The following SOX5 variants were observed in gnomAD, a reference collection of about 807,000 sequenced individuals.
SOX5 encodes the protein SRY-box transcription factor 5, also known as transcription factor SOX-5.
SOX5 carries 9 observed loss-of-function variants against 92.0 expected under a neutral mutation model. The ratio of observed to expected loss-of-function variants is 0.10; its 90% confidence interval spans 0.06 to 0.17. The LOEUF is 0.17. Among genes scored for constraint, SOX5 ranks in the 10% least tolerant of loss-of-function variants. SOX5 has a pLI of 1.00. For synonymous variants in SOX5, 344 were observed against 336.3 expected (o/e 1.02, Z -0.25); for missense variants, 642 against 944.5 (o/e 0.68, Z 4.20).
At chr12:24,019,967 G>A (rs778056289) in intron 4 of SOX5, among the ~76,000 whole-genome samples, 95 of 152,182 alleles carry the variant, frequency 6.2e-4, no homozygotes, top group Non-Finnish European at 3.4e-4. Context: ...CACACTGTGT[G>A]CCAAAGCAAG....
chr12:24,514,759 G>A (rs1949629561), intron 1 of SOX5, among the ~76,000 whole-genome samples: 1 of 152,180 alleles, frequency 6.6e-6, no homozygotes, highest in African/African-American at 2.4e-5. Flanking sequence ...GCAGGGACAT[G>A]GATGGAACTG....
intron 4 of SOX5, among the ~76,000 whole-genome samples, chr12:24,078,126 T>C (rs1433148691): frequency 1.3e-5 from 2 of 152,076 alleles, no homozygotes; most frequent in Non-Finnish European, 2.9e-5. Context: ...AATTGTATTT[T>C]ACTGTCCTAC....
chr12:24,075,824 G>A (rs952550802), intron 4 of SOX5, among the ~76,000 whole-genome samples: 1 of 152,114 alleles, frequency 6.6e-6, no homozygotes, highest in Non-Finnish European at 1.5e-5. Context: ...GGAGGCCAAA[G>A]TAAAATCACA....
intron 4 of SOX5, among the ~76,000 whole-genome samples, chr12:24,084,081 C>G (rs962210049): frequency 6.6e-6 from 1 of 151,998 alleles, no homozygotes; most frequent in African/African-American, 2.4e-5. Context: ...GATTTGGAAA[C>G]CACAGATATG....
intron 10 of SOX5, among the ~76,000 whole-genome samples, chr12:23,575,079 T>C (rs904204665): frequency 6.6e-6 from 1 of 152,232 alleles, no homozygotes; most frequent in African/African-American, 2.4e-5. Context: ...TATGCTGAAA[T>C]TAAAATCATT....
At chr12:23,810,492 G>A (rs2095857982) in intron 3 of SOX5, among the ~76,000 whole-genome samples, 1 of 152,120 alleles carries the variant, frequency 6.6e-6, no homozygotes, top group South Asian at 2.1e-4. Flanking sequence ...TGTTTTAACA[G>A]CTGAGCTGAC....
chr12:24,477,285 C>CACCACACT (rs938706297), intron 1 of SOX5, among the ~76,000 whole-genome samples: 1 of 152,004 alleles, frequency 6.6e-6, no homozygotes, highest in Non-Finnish European at 1.5e-5. Flanking sequence ...AGACATGTGC[C>CACCACACT]ACCACACTAG....
intron 9 of SOX5, among the ~76,000 whole-genome samples, chr12:23,598,266 G>T (rs964263177): frequency 4.6e-5 from 7 of 151,918 alleles, no homozygotes; most frequent in Non-Finnish European, 1.0e-4. Context: ...ATTAAATGAG[G>T]TTATGGTTAT....
intron 8 of SOX5, among the ~76,000 whole-genome samples, chr12:23,615,098 G>A (rs375774091): frequency 1.1e-4 from 17 of 152,030 alleles, no homozygotes; most frequent in African/African-American, 4.8e-5. Context: ...CACCGTACCC[G>A]GCCTTATATT....
intron 4 of SOX5, among the ~76,000 whole-genome samples, chr12:23,998,281 A>C (rs1276668585): frequency 6.6e-6 from 1 of 152,198 alleles, no homozygotes; most frequent in Non-Finnish European, 1.5e-5. Context: ...AAGTTGAAAA[A>C]ATACAGTAAC....
chr12:24,251,572 G>GTTTTTT (rs68085452), intron 3 of SOX5, among the ~76,000 whole-genome samples: 1 of 141,490 alleles, frequency 7.1e-6, no homozygotes, highest in Non-Finnish European at 1.5e-5. Context: ...AGGGTTTTTT[G>GTTTTTT]TTTTTTTTTT....
intron 4 of SOX5, among the ~76,000 whole-genome samples, chr12:23,751,264 T>C (rs965880857): frequency 6.6e-6 from 1 of 151,930 alleles, no homozygotes; most frequent in Admixed American, 6.6e-5. Context: ...TGTGCAGATA[T>C]GCATGTTTTA....
At chr12:24,357,864 A>G (rs1955061792) in intron 2 of SOX5, among the ~76,000 whole-genome samples, 1 of 151,786 alleles carries the variant, frequency 6.6e-6, no homozygotes, top group East Asian at 1.9e-4. Context: ...AGAAAGAAGA[A>G]AAAAGAAAGC....
At chr12:23,946,651 TC>T (rs1240462237) in intron 1 of SOX5, among the ~76,000 whole-genome samples, 1 of 151,978 alleles carries the variant, frequency 6.6e-6, no homozygotes, top group African/African-American at 2.4e-5. Flanking sequence ...TGGGGAGACT[TC>T]GGGCGTTCAT....
chr12:24,353,227 G>C (rs1004833321), intron 2 of SOX5, among the ~76,000 whole-genome samples: 1 of 152,200 alleles, frequency 6.6e-6, no homozygotes, highest in African/African-American at 2.4e-5. Flanking sequence ...ACAGGAATGT[G>C]ACACTGATTC....
chr12:24,202,053 T>G (rs1957568466), intron 4 of SOX5, among the ~76,000 whole-genome samples: 2 of 152,210 alleles, frequency 1.3e-5, no homozygotes, highest in South Asian at 4.1e-4. Flanking sequence ...TCCATTGGTG[T>G]GAATAATTAC....
At chr12:23,957,507 G>A (rs1946415607) in intron 4 of SOX5, among the ~76,000 whole-genome samples, 1 of 152,172 alleles carries the variant, frequency 6.6e-6, no homozygotes, top group Non-Finnish European at 1.5e-5. Flanking sequence ...AAATACAAGG[G>A]TTGTTGTCTC....
intron 3 of SOX5, among the ~76,000 whole-genome samples, chr12:23,817,943 G>T (rs1345200689): frequency 2.0e-5 from 3 of 152,172 alleles, no homozygotes; most frequent in Non-Finnish European, 1.5e-5. Flanking sequence ...CAGAATGAGA[G>T]AATGACTGAA....
At chr12:23,836,579 A>G (rs184964032) in intron 3 of SOX5, among the ~76,000 whole-genome samples, 6 of 152,076 alleles carry the variant, frequency 3.9e-5, no homozygotes, top group Admixed American at 3.3e-4. Flanking sequence ...CTCCTTTTGT[A>G]TGGTGCACTA....
Sources: gnomAD v4.1 joint callset for allele counts (sites outside exome capture counted in the v4.1 genomes callset) on GRCh38, gnomAD v4.1.1 for gene constraint, MANE v1.5 for transcripts, NCBI Gene and HGNC (gene_info 2026-07-23, HGNC 2026-07-21) for gene names.